Variants in FBXL17 observed in about 807,000 individuals in gnomAD.
FBXL17 encodes the protein F-box and leucine rich repeat protein 17.
FBXL17 carries 22 observed loss-of-function variants against 66.2 expected under a neutral mutation model. The ratio of observed to expected loss-of-function variants is 0.33; its 90% confidence interval spans 0.24 to 0.47. The LOEUF is 0.47. Among genes scored for constraint, FBXL17 ranks in the 20% least tolerant of loss-of-function variants. The probability of loss-of-function intolerance (pLI) is 1.00; values close to 1 mark genes in which losing one functional copy is unlikely to be tolerated. For missense variants in FBXL17, 878 were observed against 948.2 expected (o/e 0.93, Z 0.97); for synonymous variants, 474 against 400.5 (o/e 1.18, Z -2.19).
chr5:108,185,522 C>A (rs559927654), intron 6 of FBXL17, among the ~76,000 whole-genome samples: 1 of 152,078 alleles, frequency 6.6e-6, no homozygotes, highest in African/African-American at 2.4e-5. Context: ...AACCTCTTGT[C>A]TTTATAAATT....
intron 7 of FBXL17, among the ~76,000 whole-genome samples, chr5:107,969,895 T>C (rs916001849): frequency 6.6e-6 from 1 of 152,194 alleles, no homozygotes. Context: ...TCAGGCATCA[T>C]CTTACAATTC....
At chr5:107,922,865 A>T (rs1005580673) in intron 7 of FBXL17, among the ~76,000 whole-genome samples, 5 of 152,214 alleles carry the variant, frequency 3.3e-5, no homozygotes, top group African/African-American at 7.2e-5. Flanking sequence ...ATAAGCTCAG[A>T]GACCTCTCAA....
intron 7 of FBXL17, among the ~76,000 whole-genome samples, chr5:107,980,631 C>A (rs1316552930): frequency 8.1e-6 from 1 of 122,924 alleles, no homozygotes; most frequent in African/African-American, 3.4e-5. Context: ...GCCACCATGA[C>A]TGGCCAATAA....
At chr5:108,256,017 C>T (rs1756562681) in intron 4 of FBXL17, among the ~76,000 whole-genome samples, 1 of 152,100 alleles carries the variant, frequency 6.6e-6, no homozygotes, top group Admixed American at 6.5e-5. Context: ...AGACCAAGAT[C>T]AGTGGAAATA....
chr5:108,318,514 G>T (rs1580807291), intron 4 of FBXL17, among the ~76,000 whole-genome samples: 2 of 151,750 alleles, frequency 1.3e-5, no homozygotes, highest in East Asian at 3.9e-4. Context: ...ATTTTGAGAG[G>T]GAAGTGAAAA....
chr5:108,219,515 G>A (rs893499451), intron 5 of FBXL17, among the ~76,000 whole-genome samples: 4 of 151,892 alleles, frequency 2.6e-5, no homozygotes, highest in African/African-American at 7.3e-5. Flanking sequence ...GTGAAACCCC[G>A]TCTCTATTAA....
At chr5:107,942,246 G>C (rs1317038885) in intron 7 of FBXL17, among the ~76,000 whole-genome samples, 1 of 152,150 alleles carries the variant, frequency 6.6e-6, no homozygotes, top group Non-Finnish European at 1.5e-5. Flanking sequence ...GGCTCTAAAG[G>C]AAAAACAAAA....
intron 7 of FBXL17, among the ~76,000 whole-genome samples, chr5:107,893,783 C>T (rs1238993507): frequency 6.6e-6 from 1 of 152,092 alleles, no homozygotes; most frequent in Non-Finnish European, 1.5e-5. Context: ...TGGAGTTTTG[C>T]CACCATTGAT....
chr5:108,076,792 C>T (rs559176409), intron 6 of FBXL17, among the ~76,000 whole-genome samples: 1 of 152,206 alleles, frequency 6.6e-6, no homozygotes, highest in South Asian at 2.1e-4. Flanking sequence ...AAACATTTAC[C>T]ACCTATTCCC....
intron 4 of FBXL17, among the ~76,000 whole-genome samples, chr5:108,329,327 CA>C (rs1293311182): frequency 6.6e-6 from 1 of 152,036 alleles, no homozygotes; most frequent in Non-Finnish European, 1.5e-5. Context: ...GATGTCAAAG[CA>C]AAGAGGAAAA....
intron 6 of FBXL17, among the ~76,000 whole-genome samples, chr5:108,029,183 CA>C (rs1249482409): frequency 1.3e-5 from 2 of 152,080 alleles, no homozygotes; most frequent in African/African-American, 4.8e-5. Context: ...ATTAATCCTG[CA>C]AGCAGGATGG....
At position 107,908,089 on chromosome 5, in the gene FBXL17, T is replaced by C. The variant is rs189953122; in HGVS notation, c.1823-26910A>G. Among the ~76,000 whole-genome samples the C allele has an allele frequency of 3.9e-3, 591 of 152,256 alleles. 5 individuals carry two copies. Among genetic ancestry groups the C allele is most frequent in the Non-Finnish European group, 5.3e-3 (362 of 68,030 alleles). ...GACTGGATTAAGAAAATGTGGCACA[T>C]ATACACCATGGAATACTATGCAGCC... is the stretch of plus-strand genomic sequence containing the variant. On this transcript the variant is annotated intron_variant, in intron 7 of 8. Transcript: ENST00000542267.
intron 7 of FBXL17, among the ~76,000 whole-genome samples, chr5:107,970,626 G>T (rs1752333573): frequency 6.6e-6 from 1 of 152,152 alleles, no homozygotes; most frequent in Non-Finnish European, 1.5e-5. Context: ...GGCTCTCTCT[G>T]CGTGCCTGGT....
intron 4 of FBXL17, among the ~76,000 whole-genome samples, chr5:108,324,480 T>C (rs998878659): frequency 2.0e-5 from 3 of 152,024 alleles, no homozygotes; most frequent in Admixed American, 6.6e-5. Context: ...CCTTGGGCAC[T>C]GTTGGGTGAA....
At chr5:108,138,825 G>A (rs373284106) in intron 6 of FBXL17, among the ~76,000 whole-genome samples, 1 of 152,072 alleles carries the variant, frequency 6.6e-6, no homozygotes, top group East Asian at 1.9e-4. Context: ...GTGCAATATG[G>A]ACAAAATATG....
rs534532862 is a variant in FBXL17 at position 107,948,463 on chromosome 5, C to T, written c.1823-67284G>A. Among the ~76,000 whole-genome samples, 6 of 152,240 alleles carry T rather than the reference C, an allele frequency of 3.9e-5. No homozygotes were observed. The East Asian group carries it at 5.8e-4, about 15-fold the overall frequency. On this transcript the variant is annotated intron_variant, in intron 7 of 8. Transcript: ENST00000542267. The stretch of plus-strand genomic sequence containing the variant: ...TCTGTAACAGACCTCGAACCATGTA[C>T]TTCTCTGCTGTTCTTCTCCAGGGCC...
chr5:107,946,255 T>TTATATA (rs55643516), intron 7 of FBXL17, among the ~76,000 whole-genome samples: 165 of 40,342 alleles, frequency 4.1e-3, no homozygotes, highest in Non-Finnish European at 4.3e-3. Context: ...CAATCTCATT[T>TTATATA]TATATATATA....
chr5:108,370,813 C>G (rs1033620413), intron 1 of FBXL17, among the ~76,000 whole-genome samples: 1 of 151,700 alleles, frequency 6.6e-6, no homozygotes, highest in Admixed American at 6.6e-5. Flanking sequence ...ATGTATTAAG[C>G]CCACTACAGC....
chr5:108,282,941 C>G (rs1338512276), intron 4 of FBXL17, among the ~76,000 whole-genome samples: 2 of 149,816 alleles, frequency 1.3e-5, no homozygotes, highest in Non-Finnish European at 3.0e-5. Flanking sequence ...GAACATTTAA[C>G]TTAGGAAGTG....
Sources: allele counts gnomAD v4.1 joint callset (sites outside exome capture counted in the v4.1 genomes callset), GRCh38; gene constraint gnomAD v4.1.1; transcripts MANE v1.5; gene names NCBI Gene and HGNC (gene_info 2026-07-23, HGNC 2026-07-21).